Variants in PTPRD observed in about 807,000 individuals in gnomAD.
PTPRD encodes receptor-type tyrosine-protein phosphatase delta.
PTPRD carries 34 observed loss-of-function variants against 214.5 expected under a neutral mutation model. That is an observed-to-expected ratio of 0.16 (90% CI 0.12 to 0.21). PTPRD has a LOEUF of 0.21. Ranked by LOEUF, PTPRD falls within the 10% of genes least tolerant of loss-of-function variation. PTPRD has a pLI of 1.00. For synonymous variants in PTPRD, 1,128 were observed against 845.7 expected (o/e 1.33, Z -5.79); for missense variants, 2,545 against 2,398.7 (o/e 1.06, Z -1.27).
intron 14 of PTPRD, among the ~76,000 whole-genome samples, chr9:8,564,648 C>T (rs141644527): frequency 8.7e-4 from 132 of 152,208 alleles, no homozygotes; most frequent in African/African-American, 3.0e-3. Flanking sequence ...TGTAGTGAGC[C>T]AAGATCGTGC....
rs572865143 is a variant in PTPRD at position 9,438,315 on chromosome 9, C to T, written c.-236-40833G>A. Among the ~76,000 whole-genome samples the T allele has an allele frequency of 7.5e-4, 114 of 152,216 alleles. 1 individual carries two copies. The Middle Eastern group carries it at 0.021, about 27-fold the overall frequency. ...TCATTTAACAAATATTTTAAAATAA[C>T]GTATCCAAGAATCATGTTAGGGATA... On this transcript the variant is annotated intron_variant, in intron 8 of 45. Transcript: ENST00000381196.
intron 11 of PTPRD, among the ~76,000 whole-genome samples, chr9:8,830,203 C>T (rs1418610648): frequency 2.0e-5 from 3 of 152,132 alleles, no homozygotes; most frequent in African/African-American, 7.2e-5. Flanking sequence ...CAAGGTCTCA[C>T]AGCTTACAAG....
chr9:10,048,018 G>A (rs760933169), intron 3 of PTPRD, among the ~76,000 whole-genome samples: 10 of 152,068 alleles, frequency 6.6e-5, no homozygotes, highest in Non-Finnish European at 1.2e-4. Context: ...TCCTAAATAA[G>A]CATTAGCTGT....
chr9:9,175,527 G>A (rs1173123454), intron 10 of PTPRD, among the ~76,000 whole-genome samples: 1 of 150,598 alleles, frequency 6.6e-6, no homozygotes, highest in Non-Finnish European at 1.5e-5. Flanking sequence ...GGAGGCTGAG[G>A]CAGGAGAATC....
At chr9:10,312,577 T>C (rs1425208265) in intron 3 of PTPRD, among the ~76,000 whole-genome samples, 5 of 152,010 alleles carry the variant, frequency 3.3e-5, no homozygotes, top group Admixed American at 2.6e-4. Context: ...ATCCTTTACC[T>C]GATATGAAAA....
intron 12 of PTPRD, among the ~76,000 whole-genome samples, chr9:8,690,131 TA>T (rs933240707): frequency 6.6e-6 from 1 of 150,712 alleles, no homozygotes; most frequent in African/African-American, 2.4e-5. Flanking sequence ...AAAGAAAAAT[TA>T]AAAAAATTCC....
chr9:8,378,225 C>T (rs546195393), intron 37 of PTPRD, among the ~76,000 whole-genome samples: 14 of 152,082 alleles, frequency 9.2e-5, no homozygotes, highest in African/African-American at 3.1e-4. Context: ...TTATTTCTAT[C>T]ATTTGCCCTG....
intron 12 of PTPRD, among the ~76,000 whole-genome samples, chr9:8,730,084 G>T (rs1435496856): frequency 1.3e-5 from 2 of 151,842 alleles, no homozygotes; most frequent in Admixed American, 6.6e-5. Context: ...GTGAAACCCC[G>T]TCTCTACTAA....
chr9:10,585,798 G>C (rs1010870035), intron 2 of PTPRD, among the ~76,000 whole-genome samples: 1 of 151,610 alleles, frequency 6.6e-6, no homozygotes, highest in African/African-American at 2.4e-5. Flanking sequence ...GACTTTCCAG[G>C]ATAATACCTG....
intron 2 of PTPRD, among the ~76,000 whole-genome samples, chr9:10,465,300 A>G (rs906197468): frequency 6.6e-6 from 1 of 152,210 alleles, no homozygotes; most frequent in Non-Finnish European, 1.5e-5. Context: ...ACTAGCCGCA[A>G]CAAAGTTCTT....
intron 12 of PTPRD, among the ~76,000 whole-genome samples, chr9:8,638,312 T>C (rs1175382320): frequency 6.6e-6 from 1 of 152,182 alleles, no homozygotes; most frequent in Non-Finnish European, 1.5e-5. Flanking sequence ...TGTATTGATT[T>C]CATGTTTCCC....
intron 9 of PTPRD, among the ~76,000 whole-genome samples, chr9:9,267,081 T>C (rs1940196595): frequency 6.6e-6 from 1 of 151,268 alleles, no homozygotes; most frequent in Non-Finnish European, 1.5e-5. Context: ...AATGAATAAA[T>C]GTTTTAAATG....
intron 10 of PTPRD, among the ~76,000 whole-genome samples, chr9:9,095,619 C>A (rs963635506): frequency 2.0e-5 from 3 of 152,098 alleles, no homozygotes; most frequent in Non-Finnish European, 4.4e-5. Context: ...CGAGCCACCA[C>A]ACCTGGTTTG....
At chr9:10,462,344 G>A (rs1303097336) in intron 2 of PTPRD, among the ~76,000 whole-genome samples, 1 of 152,002 alleles carries the variant, frequency 6.6e-6, no homozygotes, top group Non-Finnish European at 1.5e-5. Flanking sequence ...CTGCAAATGA[G>A]TCTACTATCT....
At chr9:9,568,547 T>C (rs1287974724) in intron 8 of PTPRD, among the ~76,000 whole-genome samples, 2 of 151,940 alleles carry the variant, frequency 1.3e-5, no homozygotes, top group South Asian at 4.1e-4. Context: ...ACAGTTTTGA[T>C]ATTAACCATC....
chr9:9,760,599 T>TACACACACAC (rs146209140), intron 6 of PTPRD, among the ~76,000 whole-genome samples: 3 of 107,886 alleles, frequency 2.8e-5, no homozygotes, highest in East Asian at 7.2e-4. Flanking sequence ...TCAGCTATCA[T>TACACACACAC]ACACACACAC....
At chr9:8,912,144 C>T (rs1052569450) in intron 11 of PTPRD, among the ~76,000 whole-genome samples, 1 of 152,136 alleles carries the variant, frequency 6.6e-6, no homozygotes, top group African/African-American at 2.4e-5. Flanking sequence ...CCCAGGAATT[C>T]CACTCTTAGG....
chr9:10,600,146 T>C (rs1288359583), intron 2 of PTPRD, among the ~76,000 whole-genome samples: 1 of 151,744 alleles, frequency 6.6e-6, no homozygotes, highest in Non-Finnish European at 1.5e-5. Flanking sequence ...CTAAGACATA[T>C]CAAAATTGAT....
At chr9:9,821,492 T>A (rs997120844) in intron 5 of PTPRD, among the ~76,000 whole-genome samples, 2 of 152,158 alleles carry the variant, frequency 1.3e-5, no homozygotes, top group Non-Finnish European at 2.9e-5. Context: ...GATATGTAGT[T>A]ATATAAAGAC....
Sources: gnomAD v4.1 joint callset for allele counts (sites outside exome capture counted in the v4.1 genomes callset) on GRCh38, gnomAD v4.1.1 for gene constraint, MANE v1.5 for transcripts, NCBI Gene and HGNC (gene_info 2026-07-23, HGNC 2026-07-21) for gene names.